The following ADORA2B variants were observed in gnomAD, a reference collection of about 807,000 sequenced individuals.
ADORA2B encodes adenosine A2b receptor, also known as adenosine receptor A2b.
ADORA2B carries 18 observed loss-of-function variants against 20.8 expected under a neutral mutation model. The observed-to-expected ratio is 0.87, with a 90% confidence interval of 0.60 to 1.29. ADORA2B has a LOEUF of 1.29. Ranked by LOEUF, ADORA2B falls within the 50% of genes most tolerant of loss-of-function variation. ADORA2B has a pLI of 0.00. For missense variants in ADORA2B, 441 were observed against 422.7 expected, an observed-to-expected ratio of 1.04 and a Z score of -0.38; for synonymous variants, 179 against 178.3, an observed-to-expected ratio of 1.00 and a Z score of -0.03.
At chr17:15,886,955 A>C in the ADORA2B span, among the ~76,000 whole-genome samples, 1 of 131,080 alleles carries the variant, frequency 7.6e-6, no homozygotes, top group Admixed American at 7.5e-5. Context: ...GCCAGGGGGC[A>C]GGAGGTGTTG....
chr17:15,914,306 T>C, the ADORA2B span, among the ~76,000 whole-genome samples: 1,374 of 152,264 alleles, frequency 9.0e-3, 27 homozygotes, highest in African/African-American at 0.031. Flanking sequence ...AAGGGATCCT[T>C]CCACCTCAGC....
chr17:15,966,279 C>T (rs1438607897), intron 1 of ADORA2B, among the ~76,000 whole-genome samples: 2 of 152,188 alleles, frequency 1.3e-5, no homozygotes, highest in Non-Finnish European at 2.9e-5. Flanking sequence ...TTCTAAAGTG[C>T]TTTGTACACA....
chr17:15,925,656 G>A, the ADORA2B span, among the ~76,000 whole-genome samples: 16 of 152,240 alleles, frequency 1.1e-4, no homozygotes, highest in Admixed American at 2.0e-4. Context: ...CTCTTTCTGC[G>A]TATTTGAATA....
rs551950342 is a variant in ADORA2B at position 15,964,905 on chromosome 17, C to CA, written c.336-9768dup. ...TGAAACCCCGTCTCTACTAAAAATA[C>CA]AAAAAATTAGCCCGTGTGGCAGCGG... On this transcript the variant is annotated intron_variant, in intron 1 of 1. Coordinates refer to ENST00000304222, the MANE Select transcript of ADORA2B (RefSeq NM_000676.4). 2.1e-3 allele frequency among the ~76,000 whole-genome samples: 315 copies of CA among 151,920 alleles called. 2 individuals carry two copies. Among genetic ancestry groups the CA allele is most frequent in the African/African-American group, 7.1e-3 (293 of 41,428 alleles).
the ADORA2B span, among the ~76,000 whole-genome samples, chr17:15,919,017 C>T: frequency 6.6e-6 from 1 of 152,142 alleles, no homozygotes; most frequent in Non-Finnish European, 1.5e-5. Context: ...TGGCTCTTCT[C>T]AGTCTCCAGG....
At chr17:15,902,170 T>C in the ADORA2B span, among the ~76,000 whole-genome samples, 2 of 152,178 alleles carry the variant, frequency 1.3e-5, no homozygotes, top group African/African-American at 4.8e-5. Context: ...CATAATGTTT[T>C]CAAAGTTCAT....
the ADORA2B span, among the ~76,000 whole-genome samples, chr17:15,938,406 G>A: frequency 6.6e-6 from 1 of 152,112 alleles, no homozygotes; most frequent in African/African-American, 2.4e-5. Context: ...GAGTTCAAGT[G>A]ATTCTGCTGC....
At chr17:15,897,059 G>A in the ADORA2B span, among the ~76,000 whole-genome samples, 1 of 152,266 alleles carries the variant, frequency 6.6e-6, no homozygotes, top group African/African-American at 2.4e-5. Context: ...CGATGGCCGT[G>A]CCCCATGCCC....
At chr17:15,946,342 GAACT>G (rs1164762076) in intron 1 of ADORA2B, among the ~76,000 whole-genome samples, 1 of 152,172 alleles carries the variant, frequency 6.6e-6, no homozygotes, top group Non-Finnish European at 1.5e-5. Flanking sequence ...AAATGGTGGC[GAACT>G]TACTTGTCCA....
chr17:15,934,744 G>A, the ADORA2B span, among the ~76,000 whole-genome samples: 1 of 151,902 alleles, frequency 6.6e-6, no homozygotes, highest in African/African-American at 2.4e-5. Context: ...TATACACTGT[G>A]TGCCCATCAG....
chr17:15,872,335 A>G, the ADORA2B span, among the ~76,000 whole-genome samples: 3 of 152,198 alleles, frequency 2.0e-5, no homozygotes, highest in Admixed American at 2.0e-4. Flanking sequence ...TTTGAAGTCC[A>G]GTAATATGAT....
At chr17:15,865,634 A>G in the ADORA2B span, among the ~76,000 whole-genome samples, 1 of 152,164 alleles carries the variant, frequency 6.6e-6, no homozygotes, top group African/African-American at 2.4e-5. Context: ...GAAGAAGAGC[A>G]TCGCCAGCTC....
the ADORA2B span, among the ~76,000 whole-genome samples, chr17:15,930,821 G>A: frequency 6.6e-6 from 1 of 152,336 alleles, no homozygotes; most frequent in East Asian, 1.9e-4. Flanking sequence ...TCATTAAAAT[G>A]TCCATATTTT....
intron 1 of ADORA2B, among the ~76,000 whole-genome samples, chr17:15,960,938 C>T (rs541323135): frequency 3.6e-4 from 54 of 150,554 alleles, no homozygotes; most frequent in African/African-American, 1.1e-3. Flanking sequence ...GAGGCCGAGG[C>T]GGGCGATTCA....
the ADORA2B span, among the ~76,000 whole-genome samples, chr17:15,938,327 G>C: frequency 4.0e-5 from 6 of 151,748 alleles, no homozygotes; most frequent in South Asian, 1.3e-3. Flanking sequence ...TTTTGAGATG[G>C]AGTCCCACTC....
the ADORA2B span, among the ~76,000 whole-genome samples, chr17:15,909,202 A>ACAG: frequency 1.3e-5 from 2 of 150,000 alleles, no homozygotes; most frequent in Admixed American, 1.3e-4. Flanking sequence ...TCTAAAAAAA[A>ACAG]CAGCAACAAC....
chr17:15,918,474 C>A, the ADORA2B span, among the ~76,000 whole-genome samples: 1 of 152,084 alleles, frequency 6.6e-6, no homozygotes, highest in Non-Finnish European at 1.5e-5. Flanking sequence ...TGAATAATTT[C>A]TTTTTGTTTG....
At chr17:15,870,847 C>T in the ADORA2B span, among the ~76,000 whole-genome samples, 1 of 152,172 alleles carries the variant, frequency 6.6e-6, no homozygotes, top group Non-Finnish European at 1.5e-5. Flanking sequence ...CAGAGTGGTC[C>T]TTTCCCTGAC....
intron 1 of ADORA2B, among the ~76,000 whole-genome samples, chr17:15,958,591 T>G (rs1305846827): frequency 2.6e-5 from 4 of 152,188 alleles, no homozygotes; most frequent in African/African-American, 9.7e-5. Flanking sequence ...GCTTCTGGCC[T>G]CATCCCCGTC....
Sources: gnomAD v4.1 joint callset for allele counts (sites outside exome capture counted in the v4.1 genomes callset) on GRCh38, gnomAD v4.1.1 for gene constraint, MANE v1.5 for transcripts, NCBI Gene and HGNC (gene_info 2026-07-23, HGNC 2026-07-21) for gene names.